RGS6: variants seen among roughly 807,000 people sequenced by gnomAD.
The protein encoded by RGS6 is regulator of G protein signaling 6, also known as regulator of G-protein signaling 6.
A neutral mutation model predicts 78.5 loss-of-function variants in RGS6; 30 were observed. The observed-to-expected ratio is 0.38, with a 90% confidence interval of 0.29 to 0.52. The LOEUF (loss-of-function observed/expected upper bound fraction) is 0.52. Among genes scored for constraint, RGS6 ranks in the 20% least tolerant of loss-of-function variants. The pLI, the probability that RGS6 is intolerant of heterozygous loss-of-function variation, is 0.85. For synonymous variants in RGS6, 206 were observed against 206.0 expected (o/e 1.00, Z 0.00); for missense variants, 495 against 609.7 (o/e 0.81, Z 1.98).
intron 3 of RGS6, among the ~76,000 whole-genome samples, chr14:72,368,750 A>G (rs1462923830): frequency 6.6e-6 from 1 of 152,214 alleles, no homozygotes; most frequent in Non-Finnish European, 1.5e-5. Context: ...CTGCTTCTGT[A>G]TCACTGGAAG....
chr14:72,113,077 C>A (rs748684840), intron 2 of RGS6, among the ~76,000 whole-genome samples: 1 of 142,174 alleles, frequency 7.0e-6, no homozygotes, highest in Non-Finnish European at 1.6e-5. Flanking sequence ...CACACACACA[C>A]GCATGCACGC....
chr14:71,992,487 C>T (rs1447288659), intron 2 of RGS6, among the ~76,000 whole-genome samples: 4 of 152,206 alleles, frequency 2.6e-5, no homozygotes, highest in Non-Finnish European at 5.9e-5. Flanking sequence ...TACACCTGCC[C>T]ACAGCCCTGT....
intron 2 of RGS6, among the ~76,000 whole-genome samples, chr14:72,204,861 A>G (rs1398233685): frequency 6.6e-6 from 1 of 152,144 alleles, no homozygotes; most frequent in African/African-American, 2.4e-5. Flanking sequence ...ATAGTGCTGT[A>G]CTTATATCCA....
chr14:72,243,129 C>T (rs1261555827), intron 2 of RGS6, among the ~76,000 whole-genome samples: 2 of 152,060 alleles, frequency 1.3e-5, no homozygotes, highest in Non-Finnish European at 2.9e-5. Flanking sequence ...GGATTATAGG[C>T]GTGAGCCACT....
At chr14:72,035,673 GTTTA>G in intron 2 of RGS6, among the ~76,000 whole-genome samples, 1 of 152,160 alleles carries the variant, frequency 6.6e-6, no homozygotes, top group East Asian at 1.9e-4. Context: ...ATTGATAGAG[GTTTA>G]TTTAGCCAAA....
intron 2 of RGS6, among the ~76,000 whole-genome samples, chr14:72,326,958 C>T (rs192220754): frequency 1.6e-3 from 241 of 152,256 alleles, no homozygotes; most frequent in Non-Finnish European, 2.2e-3. Context: ...CTGCCCACCT[C>T]GGCCTCCCAA....
At chr14:71,988,177 A>C (rs1471750085) in intron 2 of RGS6, among the ~76,000 whole-genome samples, 2 of 152,194 alleles carry the variant, frequency 1.3e-5, no homozygotes, top group Non-Finnish European at 2.9e-5. Context: ...TAGTCAAGGA[A>C]ACAGATGATA....
rs191807556 is a variant in RGS6, at chr14:72,133,145, G to A, written c.84+168270G>A. Among the ~76,000 whole-genome samples, 440 of 152,174 alleles carry A rather than the reference G, an allele frequency of 2.9e-3. 1 individual carries two copies. Among genetic ancestry groups the A allele is most frequent in the African/African-American group, 9.7e-3 (401 of 41,518 alleles). On this transcript the variant is annotated intron_variant, in intron 2 of 17. Transcript: ENST00000553525. The stretch of plus-strand genomic sequence containing the variant: ...GGACATCATTCATTTATTTGTTCCC[G>A]TATCATTTTGCAGATTCCTTTTCAA...
chr14:71,924,611 T>C, the RGS6 span, among the ~76,000 whole-genome samples: 1 of 152,216 alleles, frequency 6.6e-6, no homozygotes, highest in Non-Finnish European at 1.5e-5. Flanking sequence ...TATTTGACTT[T>C]TTAAAGATTC....
At chr14:72,144,613 G>A (rs2096583300) in intron 2 of RGS6, among the ~76,000 whole-genome samples, 2 of 152,168 alleles carry the variant, frequency 1.3e-5, no homozygotes, top group African/African-American at 4.8e-5. Context: ...GAGAAGAAAT[G>A]GTTCATCCAC....
At chr14:71,904,156 T>C in the RGS6 span, among the ~76,000 whole-genome samples, 2 of 152,218 alleles carry the variant, frequency 1.3e-5, no homozygotes, top group Non-Finnish European at 2.9e-5. Flanking sequence ...TTCCTCTTTT[T>C]CTGGGAAGAG....
intron 2 of RGS6, among the ~76,000 whole-genome samples, chr14:72,245,526 C>G (rs1471583174): frequency 1.3e-5 from 2 of 152,234 alleles, no homozygotes; most frequent in African/African-American, 4.8e-5. Flanking sequence ...ATTGCTCATG[C>G]TTTTGTTTGT....
intron 12 of RGS6, among the ~76,000 whole-genome samples, chr14:72,479,063 G>C (rs1460297319): frequency 6.6e-6 from 1 of 152,168 alleles, no homozygotes; most frequent in African/African-American, 2.4e-5. Flanking sequence ...AATTGCTTAA[G>C]GAATCAAGAG....
the RGS6 span, among the ~76,000 whole-genome samples, chr14:71,911,672 C>T: frequency 6.6e-6 from 1 of 152,148 alleles, no homozygotes; most frequent in Non-Finnish European, 1.5e-5. Flanking sequence ...ACCATCCAGA[C>T]CAAAGACTCT....
chr14:72,381,987 T>C (rs2086258377), intron 3 of RGS6, among the ~76,000 whole-genome samples: 1 of 152,030 alleles, frequency 6.6e-6, no homozygotes, highest in African/African-American at 2.4e-5. Context: ...TTAAAATAAA[T>C]GTTGCTGGGA....
chr14:72,459,482 C>A, intron 5 of RGS6, 150 bp from the exon 6 acceptor site: 1 of 687,824 alleles, frequency 1.5e-6, no homozygotes, highest in South Asian at 1.8e-5. Context: ...CTCACCTTAG[C>A]TGAATTAGAG....
intron 2 of RGS6, among the ~76,000 whole-genome samples, chr14:72,097,048 T>C (rs2095423557): frequency 1.3e-5 from 2 of 152,206 alleles, no homozygotes; most frequent in African/African-American, 4.8e-5. Flanking sequence ...CCCTCGAGTG[T>C]CCTTTTCATG....
the RGS6 span, among the ~76,000 whole-genome samples, chr14:71,924,231 G>A: frequency 6.6e-6 from 1 of 152,068 alleles, no homozygotes; most frequent in East Asian, 1.9e-4. Flanking sequence ...TTTTTGTAGC[G>A]ATGCGGTATT....
At chr14:72,418,499 G>C (rs1168024991) in intron 3 of RGS6, among the ~76,000 whole-genome samples, 2 of 152,106 alleles carry the variant, frequency 1.3e-5, no homozygotes, top group Non-Finnish European at 2.9e-5. Context: ...CCAGGAAATA[G>C]GATTAAGAGG....
Sources: gnomAD v4.1 joint callset for allele counts (sites outside exome capture counted in the v4.1 genomes callset) on GRCh38, gnomAD v4.1.1 for gene constraint, MANE v1.5 for transcripts, NCBI Gene and HGNC (gene_info 2026-07-23, HGNC 2026-07-21) for gene names.